Variants in UNC5C observed in about 807,000 individuals in gnomAD.
The protein encoded by UNC5C is netrin receptor UNC5C.
Under a neutral mutation model 99.8 loss-of-function variants are expected in UNC5C, and 47 were observed. The observed-to-expected ratio is 0.47, with a 90% CI of 0.37 to 0.60. The LOEUF is 0.60. Ranked by LOEUF, UNC5C falls within the 20% of genes least tolerant of loss-of-function variation. The pLI, the probability that UNC5C is intolerant of heterozygous loss-of-function variation, is 0.00. For missense variants in UNC5C, 1,062 were observed against 1,165.9 expected (o/e 0.91, Z 1.30); for synonymous variants, 487 against 452.2 (o/e 1.08, Z -0.98).
chr4:95,495,672 C>G (rs1302036284), intron 1 of UNC5C, among the ~76,000 whole-genome samples: 1 of 151,462 alleles, frequency 6.6e-6, no homozygotes, highest in Non-Finnish European at 1.5e-5. Flanking sequence ...AAATAACTGT[C>G]CAAGTTCAAA....
intron 2 of UNC5C, among the ~76,000 whole-genome samples, chr4:95,334,874 A>C (rs1053097848): frequency 6.6e-6 from 1 of 151,970 alleles, no homozygotes; most frequent in African/African-American, 2.4e-5. Context: ...ATCACCCTCA[A>C]TTTAATTTTA....
intron 7 of UNC5C, among the ~76,000 whole-genome samples, chr4:95,233,415 A>G (rs1048720301): frequency 6.6e-6 from 1 of 152,220 alleles, no homozygotes; most frequent in Admixed American, 6.5e-5. Context: ...GAGAAACTCC[A>G]AACTTACAAA....
chr4:95,423,383 T>G (rs994904414), intron 1 of UNC5C, among the ~76,000 whole-genome samples: 1 of 152,214 alleles, frequency 6.6e-6, no homozygotes. Flanking sequence ...GTAAGTTGCC[T>G]GCTCTCAGCT....
In UNC5C at chr4:95,228,795, A is replaced by G. The variant is rs79292465; in HGVS notation, c.1109-8619T>C. ...ACTGTAAAATATCTCTCCATTTGAA[A>G]TATTATCATTTATAGTCATGACACT... is the stretch of plus-strand genomic sequence containing the variant. On this transcript the variant is annotated intron_variant, in intron 7 of 15. Transcript: ENST00000453304. Among the ~76,000 whole-genome samples the G allele has an allele frequency of 5.1e-3, 773 of 152,332 alleles. 10 individuals are homozygous for G. Among genetic ancestry groups the G allele is most frequent in the African/African-American group, 0.016 (672 of 41,570 alleles).
chr4:95,458,346 T>C (rs1367402166), intron 1 of UNC5C, among the ~76,000 whole-genome samples: 1 of 152,090 alleles, frequency 6.6e-6, no homozygotes, highest in Admixed American at 6.6e-5. Context: ...AGAATTTTGC[T>C]GAATATGATT....
At chr4:95,424,560 G>GTT (rs1746417662) in intron 1 of UNC5C, among the ~76,000 whole-genome samples, 1 of 98,620 alleles carries the variant, frequency 1.0e-5, no homozygotes, top group South Asian at 3.5e-4. Context: ...CTTGCTCTGT[G>GTT]GCCCTGGCTG....
chr4:95,526,759 T>C (rs1178712805), intron 1 of UNC5C, among the ~76,000 whole-genome samples: 1 of 152,062 alleles, frequency 6.6e-6, no homozygotes, highest in African/African-American at 2.4e-5. Flanking sequence ...TTAAAATATG[T>C]TTCACAATGT....
chr4:95,496,471 C>A (rs1055468445), intron 1 of UNC5C, among the ~76,000 whole-genome samples: 5 of 151,746 alleles, frequency 3.3e-5, no homozygotes, highest in African/African-American at 9.7e-5. Context: ...AAATTATGAA[C>A]TTCCCATCCT....
At chr4:95,534,311 C>T (rs1431778955) in intron 1 of UNC5C, among the ~76,000 whole-genome samples, 1 of 152,094 alleles carries the variant, frequency 6.6e-6, no homozygotes, top group African/African-American at 2.4e-5. Context: ...AAAGATCCAC[C>T]ATTGCATTAA....
chr4:95,457,344 C>T (rs1026572169), intron 1 of UNC5C, among the ~76,000 whole-genome samples: 1 of 152,054 alleles, frequency 6.6e-6, no homozygotes, highest in Admixed American at 6.6e-5. Context: ...ATATTAAAAG[C>T]ATGTTTCTTG....
At chr4:95,264,966 CT>C (rs1740386227) in intron 4 of UNC5C, among the ~76,000 whole-genome samples, 1 of 152,148 alleles carries the variant, frequency 6.6e-6, no homozygotes, top group Admixed American at 6.5e-5. Context: ...TCATTTTCTC[CT>C]CCTTCTACTT....
intron 1 of UNC5C, among the ~76,000 whole-genome samples, chr4:95,447,974 G>C (rs1030394804): frequency 1.3e-5 from 2 of 152,094 alleles, no homozygotes; most frequent in African/African-American, 4.8e-5. Flanking sequence ...AGATTAATAG[G>C]AAAGGGCTTT....
At chr4:95,299,180 A>G (rs1227617585) in intron 3 of UNC5C, among the ~76,000 whole-genome samples, 1 of 152,148 alleles carries the variant, frequency 6.6e-6, no homozygotes, top group Non-Finnish European at 1.5e-5. Context: ...CCCCAACCCA[A>G]TCTGACTGGT....
intron 1 of UNC5C, among the ~76,000 whole-genome samples, chr4:95,374,197 G>A (rs1309921660): frequency 6.6e-6 from 1 of 152,072 alleles, no homozygotes; most frequent in Non-Finnish European, 1.5e-5. Context: ...CATTTGCCGG[G>A]CTCAGGATAA....
In UNC5C at chr4:95,360,733, T is replaced by C. The variant is rs79440823; in HGVS notation, c.125-25102A>G. The stretch of plus-strand genomic sequence containing the variant: ...CCAAAGATCTAACTCTGGCCTCTTG[T>C]GTTTCAGGAGGTGGATTTCTTTGAA... On this transcript the variant is annotated intron_variant, in intron 1 of 15. Transcript: ENST00000453304. Among the ~76,000 whole-genome samples, 607 of 152,286 alleles carry C rather than the reference T, an allele frequency of 4.0e-3. 6 individuals carry two copies. Among genetic ancestry groups the C allele is most frequent in the African/African-American group, 0.014 (576 of 41,560 alleles).
intron 2 of UNC5C, among the ~76,000 whole-genome samples, chr4:95,332,795 T>C (rs957283144): frequency 2.6e-5 from 4 of 151,176 alleles, no homozygotes; most frequent in African/African-American, 7.3e-5. Context: ...ACCTACAAAA[T>C]GGGAGAAAAT....
At chr4:95,268,656 G>A (rs928478480) in intron 4 of UNC5C, among the ~76,000 whole-genome samples, 4 of 152,186 alleles carry the variant, frequency 2.6e-5, no homozygotes, top group African/African-American at 9.7e-5. Flanking sequence ...ATTATTCACT[G>A]ATTGGTATCG....
At chr4:95,536,486 A>C (rs569965202) in intron 1 of UNC5C, among the ~76,000 whole-genome samples, 1 of 152,300 alleles carries the variant, frequency 6.6e-6, no homozygotes, top group South Asian at 2.1e-4. Context: ...TTTTTCTAAA[A>C]CCTATTCCAA....
intron 1 of UNC5C, among the ~76,000 whole-genome samples, chr4:95,510,000 A>T (rs1722028056): frequency 6.6e-6 from 1 of 151,978 alleles, no homozygotes; most frequent in African/African-American, 2.4e-5. Context: ...GACAGGAAAA[A>T]CAATTTAAAG....
Sources: allele counts gnomAD v4.1 joint callset (sites outside exome capture counted in the v4.1 genomes callset), GRCh38; gene constraint gnomAD v4.1.1; transcripts MANE v1.5; gene names NCBI Gene and HGNC (gene_info 2026-07-23, HGNC 2026-07-21).